XXYLT1: variants seen among roughly 807,000 people sequenced by gnomAD.
XXYLT1 encodes the protein xyloside xylosyltransferase 1.
XXYLT1 carries 20 observed loss-of-function variants against 28.9 expected under a neutral mutation model. The ratio of observed to expected loss-of-function variants is 0.69; its 90% CI spans 0.49 to 1.00. XXYLT1 has a LOEUF of 1.00. XXYLT1 is among the 50% of genes least tolerant of loss of function. XXYLT1 has a pLI of 0.00. For missense variants in XXYLT1, 542 were observed against 560.1 expected (o/e 0.97, Z 0.33); for synonymous variants, 257 against 253.8 (o/e 1.01, Z -0.12).
intron 3 of XXYLT1, among the ~76,000 whole-genome samples, chr3:195,149,110 C>T (rs989224673): frequency 1.8e-4 from 27 of 152,180 alleles, no homozygotes; most frequent in African/African-American, 5.8e-4. Context: ...AGACCAGCAA[C>T]ATTTATCAAA....
intron 3 of XXYLT1, among the ~76,000 whole-genome samples, chr3:195,112,973 T>G (rs1384766421): frequency 6.6e-6 from 1 of 152,242 alleles, no homozygotes; most frequent in Non-Finnish European, 1.5e-5. Context: ...AAATCCAATC[T>G]GGGTTTCAAC....
chr3:195,156,992 C>A (rs1462533985), intron 2 of XXYLT1, among the ~76,000 whole-genome samples: 1 of 152,116 alleles, frequency 6.6e-6, no homozygotes, highest in Non-Finnish European at 1.5e-5. Context: ...CATCTGTAAT[C>A]CCAGCATTTT....
chr3:195,243,324 C>T (rs773693628), intron 1 of XXYLT1, among the ~76,000 whole-genome samples: 3 of 150,508 alleles, frequency 2.0e-5, no homozygotes, highest in Non-Finnish European at 4.4e-5. Flanking sequence ...CAAACCTGCA[C>T]GTTGTACACA....
At position 195,168,582 on chromosome 3, in the gene XXYLT1, T is replaced by G. The variant is rs1721244178; in HGVS notation, c.653-12001A>C. ...CCCAGCAAGCATGGGCAGGCCCTGC[T>G]GAGAGAGGGCCCTGCCTATGAAGGA... On this transcript the variant is annotated intron_variant, in intron 2 of 3. Transcript: ENST00000310380. This position sits in a 1 kb window ranked among gnomAD's most constrained non-coding sequence, Gnocchi z 4.3. Among the ~76,000 whole-genome samples the G allele has an allele frequency of 6.6e-6, 1 of 152,190 alleles. No homozygotes were observed. The highest frequency in any genetic ancestry group is 2.4e-5 in the African/African-American group (1 of 41,454).
At chr3:195,088,554 G>C (rs1485964020) in intron 3 of XXYLT1, among the ~76,000 whole-genome samples, 1 of 122,522 alleles carries the variant, frequency 8.2e-6, no homozygotes, top group Non-Finnish European at 1.7e-5. Context: ...ACCAAAAGTA[G>C]ATAAAACCAC....
chr3:195,232,116 T>A (rs1434170017), intron 1 of XXYLT1, among the ~76,000 whole-genome samples: 1 of 152,132 alleles, frequency 6.6e-6, no homozygotes, highest in African/African-American at 2.4e-5. Context: ...TCTTAGTAGG[T>A]TGTATGTGTC....
chr3:195,085,827 G>A (rs1490249422), intron 3 of XXYLT1: 1 of 152,480 alleles, frequency 6.6e-6, no homozygotes, highest in African/African-American at 2.4e-5. Flanking sequence ...CAGGAAAGAG[G>A]TGCCTCAAAA....
At position 195,078,571 on chromosome 3, in the gene XXYLT1, C is replaced by A. The variant is rs1054864967; in HGVS notation, c.786-8460G>T. ...ATCCCCATCCAAGCTGGGCCTTCTC[C>A]CCAGTGATGCCCTCCAAGCCTCCTA... On this transcript the variant is annotated intron_variant, in intron 3 of 3. Coordinates refer to ENST00000310380, the MANE Select transcript of XXYLT1 (RefSeq NM_152531.5). The surrounding 1 kb of genome is among the most constrained non-coding windows in gnomAD (Gnocchi z 5.0). 6.6e-6 allele frequency among the ~76,000 whole-genome samples: 1 copy of A among 152,154 alleles called. No homozygotes were observed. The highest frequency in any genetic ancestry group is 2.1e-4 in the South Asian group (1 of 4,828).
intron 1 of XXYLT1, among the ~76,000 whole-genome samples, chr3:195,258,124 G>C (rs1725546344): frequency 6.6e-6 from 1 of 152,170 alleles, no homozygotes; most frequent in African/African-American, 2.4e-5. Flanking sequence ...CTGGCCACCT[G>C]AGCGGTCACA....
intron 2 of XXYLT1, among the ~76,000 whole-genome samples, chr3:195,199,151 A>G (rs1312333077): frequency 6.6e-6 from 1 of 151,982 alleles, no homozygotes; most frequent in Non-Finnish European, 1.5e-5. Flanking sequence ...AGGAATGAGC[A>G]TGGCCCGCAG....
chr3:195,092,807 T>C (rs1577015993), intron 3 of XXYLT1, among the ~76,000 whole-genome samples: 1 of 110,716 alleles, frequency 9.0e-6, no homozygotes, highest in Non-Finnish European at 1.7e-5. Context: ...ATCCAGAATC[T>C]ACAATGAACT....
rs1405490740 is a variant in XXYLT1, at chr3:195,180,461, T to G, written c.653-23880A>C. Reference sequence around the variant, plus strand: ...CTTTTCTCATTTCATGAACTTCTTTTGAACAATTTCCTGTTCCTTTTTCTT... The same window carrying G: ...CTTTTCTCATTTCATGAACTTCTTTGGAACAATTTCCTGTTCCTTTTTCTT... On this transcript the variant is annotated intron_variant, in intron 2 of 3. Transcript: ENST00000310380. This position sits in a 1 kb window ranked among gnomAD's most constrained non-coding sequence, Gnocchi z 5.8. The G allele has an allele frequency of 1.0e-6, 1 of 985,510 alleles. No homozygotes were observed. The highest frequency in any genetic ancestry group is 1.2e-6 in the Non-Finnish European group (1 of 830,058). 61.0% of individuals were successfully genotyped at this position (985,510 alleles called of 1,614,324 possible).
chr3:195,170,004 T>TACAGGCATGTGCCA (rs56999393), intron 2 of XXYLT1, among the ~76,000 whole-genome samples: 6 of 150,104 alleles, frequency 4.0e-5, no homozygotes, highest in South Asian at 2.1e-4. Context: ...TAGCTGGGAT[T>TACAGGCATGTGCCA]TCATGCCCGG....
chr3:195,156,773 A>T (rs1011014628), intron 2 of XXYLT1, among the ~76,000 whole-genome samples, 192 bp from the exon 3 acceptor site: 2 of 152,228 alleles, frequency 1.3e-5, no homozygotes, highest in African/African-American at 4.8e-5. Context: ...TAGTCTTCAC[A>T]AACGACTACC....
chr3:195,212,686 C>T (rs1442052783), intron 2 of XXYLT1, among the ~76,000 whole-genome samples: 1 of 152,204 alleles, frequency 6.6e-6, no homozygotes, highest in African/African-American at 2.4e-5. Flanking sequence ...CCTTATGAGA[C>T]TCTGACGAAT....
At chr3:195,084,752 C>T (rs1158529149) in intron 3 of XXYLT1, among the ~76,000 whole-genome samples, 2 of 152,178 alleles carry the variant, frequency 1.3e-5, no homozygotes, top group African/African-American at 4.8e-5. Flanking sequence ...GAAACCCAAC[C>T]CCAGGGATTC....
rs564073729 is a variant in XXYLT1, at chr3:195,144,725, A to G, written c.785+11724T>C. Among the ~76,000 whole-genome samples, 6 of 152,276 alleles carry G rather than the reference A, an allele frequency of 3.9e-5. No individual in the cohort carries two copies. The East Asian group carries it at 1.2e-3, about 29-fold the overall frequency. ...GTTTCCCCTGCACCAAAAGGGCCTC[A>G]AGGATTCTACTACTCCTTTTATGCA... is the stretch of plus-strand genomic sequence containing the variant. On this transcript the variant is annotated intron_variant, in intron 3 of 3. Transcript: ENST00000310380.
chr3:195,227,414 T>C (rs1724106122), intron 1 of XXYLT1, among the ~76,000 whole-genome samples: 1 of 152,208 alleles, frequency 6.6e-6, no homozygotes, highest in South Asian at 2.1e-4. Flanking sequence ...TGCTCTGTGC[T>C]GCAGTAAACT....
intron 3 of XXYLT1, among the ~76,000 whole-genome samples, chr3:195,105,054 T>C (rs1334588490): frequency 6.6e-6 from 1 of 152,220 alleles, no homozygotes; most frequent in East Asian, 1.9e-4. Context: ...CTGCGCCGCA[T>C]TTGGAAACCA....
Sources: gnomAD v4.1 joint callset for allele counts (sites outside exome capture counted in the v4.1 genomes callset) on GRCh38, gnomAD v4.1.1 for gene constraint, Gnocchi (gnomAD v3.1) non-coding constraint, MANE v1.5 for transcripts, NCBI Gene and HGNC (gene_info 2026-07-23, HGNC 2026-07-21) for gene names.